Variants in ABHD2 observed in about 807,000 individuals in gnomAD.
The protein encoded by ABHD2 is monoacylglycerol lipase ABHD2.
A neutral mutation model predicts 48.1 loss-of-function variants in ABHD2; 20 were observed. That is an observed-to-expected ratio of 0.42 (90% CI 0.29 to 0.60). ABHD2 has a LOEUF of 0.60. ABHD2 is among the 20% of genes least tolerant of loss of function. The probability of loss-of-function intolerance (pLI) is 0.24; values close to 1 mark genes in which losing one functional copy is unlikely to be tolerated. For missense variants in ABHD2, 405 were observed against 550.9 expected (o/e 0.74, Z 2.65); for synonymous variants, 209 against 214.2 (o/e 0.98, Z 0.21).
At position 89,116,317 on chromosome 15, in the gene ABHD2, C is replaced by T; in HGVS notation, c.-6-5C>T. On this transcript the variant is annotated splice_region_variant and splice_polypyrimidine_tract_variant and intron_variant, in intron 2 of 10. Coordinates refer to ENST00000352732, the MANE Select transcript of ABHD2 (RefSeq NM_152924.5). The surrounding 1 kb of genome is among the most constrained non-coding windows in gnomAD (Gnocchi z 4.6). Reference sequence around the variant, plus strand: ...TAAACTTAGACCTGTGCCTCTGCTCCCCAGATCAAGATGAATGCCATGCTG... The same window carrying T: ...TAAACTTAGACCTGTGCCTCTGCTCTCCAGATCAAGATGAATGCCATGCTG... 2 of 1,611,544 alleles carry T rather than the reference C, an allele frequency of 1.2e-6. No individual in the cohort carries two copies. The highest frequency in any genetic ancestry group is 1.7e-6 in the Non-Finnish European group (2 of 1,178,330).
the ABHD2 span, among the ~76,000 whole-genome samples, chr15:89,081,743 C>T: frequency 3.9e-5 from 6 of 151,934 alleles, no homozygotes; most frequent in African/African-American, 1.5e-4. Context: ...CCCAGCTACT[C>T]GGGAGGCTGA....
chr15:89,119,515 A>C (rs1029660783), intron 3 of ABHD2, among the ~76,000 whole-genome samples: 1 of 152,210 alleles, frequency 6.6e-6, no homozygotes, highest in East Asian at 1.9e-4. Context: ...ACGTTATGCC[A>C]TTCAGTCTTA....
At chr15:89,125,320 T>G (rs2150832596) in intron 3 of ABHD2, among the ~76,000 whole-genome samples, 1 of 152,256 alleles carries the variant, frequency 6.6e-6, no homozygotes, top group Middle Eastern at 3.4e-3. Context: ...AACAAGTGAT[T>G]GGCAGAACTG....
At position 89,201,774 on chromosome 15, in the gene ABHD2, T is replaced by C. The variant is rs2051467733; in HGVS notation, c.*6351T>C. ...GTCGAGGACCAGGATCTGCTCGTGC[T>C]TCGCCGTGGCCCCGGAGGCAGACGC... On this transcript the variant is annotated 3_prime_UTR_variant, in exon 11 of 11. Transcript: ENST00000352732. The C allele has an allele frequency of 6.6e-7, 1 of 1,508,274 alleles. No individual in the cohort carries two copies. The highest frequency in any genetic ancestry group is 2.3e-5 in the East Asian group (1 of 44,322). The allele number at this position is 1,508,274 out of a possible 1,614,324, so 93.4% of individuals were successfully genotyped here.
the ABHD2 span, among the ~76,000 whole-genome samples, chr15:89,076,671 A>C: frequency 2.0e-5 from 3 of 151,922 alleles, no homozygotes; most frequent in African/African-American, 7.3e-5. Context: ...TTTTGTAGAG[A>C]TGAGGTCTCA....
Position 89,155,275 on chromosome 15 carries a change from C to T in ABHD2, c.371-92C>T. On this transcript the variant is annotated intron_variant, in intron 4 of 10. Transcript: ENST00000352732. The surrounding 1 kb of genome is among the most constrained non-coding windows in gnomAD (Gnocchi z 4.9). The stretch of plus-strand genomic sequence containing the variant: ...GTGAAAGATGTATGTTGAATTCCCT[C>T]CCCTTGTTTTCTAGACCAGTGAAGT... 4 of 1,391,996 alleles carry T rather than the reference C, an allele frequency of 2.9e-6. No homozygotes were observed. Among genetic ancestry groups the T allele is most frequent in the Non-Finnish European group, 4.0e-6 (4 of 1,007,264 alleles). 86.2% of individuals were successfully genotyped at this position (1,391,996 alleles called of 1,614,324 possible).
chr15:89,044,936 T>A, the ABHD2 span, among the ~76,000 whole-genome samples: 1 of 150,764 alleles, frequency 6.6e-6, no homozygotes, highest in Non-Finnish European at 1.5e-5. Context: ...ATTTTGGCTT[T>A]TGTTGCCATT....
At position 89,174,117 on chromosome 15, in the gene ABHD2, A is replaced by G. The variant is rs2050972497; in HGVS notation, c.539-1695A>G. Reference sequence around the variant, plus strand: ...ATGTGTAAAATTTCATTGATTGTGCATTTTCCTGTATGTATGTTATACCCC... The same window carrying G: ...ATGTGTAAAATTTCATTGATTGTGCGTTTTCCTGTATGTATGTTATACCCC... On this transcript the variant is annotated intron_variant, in intron 5 of 10. Coordinates refer to ENST00000352732, the MANE Select transcript of ABHD2 (RefSeq NM_152924.5). This position sits in a 1 kb window ranked among gnomAD's most constrained non-coding sequence, Gnocchi z 4.1. Among the ~76,000 whole-genome samples, 1 of 152,146 alleles carries G rather than the reference A, an allele frequency of 6.6e-6. No homozygotes were observed. The highest frequency in any genetic ancestry group is 3.4e-3 in the Middle Eastern group (1 of 294).
In ABHD2 at chr15:89,116,983, G is replaced by C. The variant is rs76158120; in HGVS notation, c.194+462G>C. Among the ~76,000 whole-genome samples the C allele has an allele frequency of 9.2e-3, 1,404 of 152,312 alleles. 20 individuals carry two copies. The highest frequency in any genetic ancestry group is 0.032 in the African/African-American group (1,346 of 41,554). ...CATTAGCTAAGAGAATGCACTTAAA[G>C]AGAGTGCTTTGTATGAGTGAACCAG... On this transcript the variant is annotated intron_variant, in intron 3 of 10. Coordinates refer to ENST00000352732, the MANE Select transcript of ABHD2 (RefSeq NM_152924.5). The surrounding 1 kb of genome is among the most constrained non-coding windows in gnomAD (Gnocchi z 4.6).
chr15:89,073,216 C>T, the ABHD2 span, among the ~76,000 whole-genome samples: 1 of 152,160 alleles, frequency 6.6e-6, no homozygotes, highest in East Asian at 1.9e-4. Context: ...CTTAATCTAT[C>T]ATCAGATTTA....
In ABHD2 at chr15:89,155,520, G is replaced by A. The variant is rs1458463414; in HGVS notation, c.524G>A (p.Arg175His). The A allele has an allele frequency of 2.5e-6, 4 of 1,613,074 alleles. No individual in the cohort carries two copies. The highest frequency in any genetic ancestry group is 3.4e-6 in the Non-Finnish European group (4 of 1,179,244). The change falls in exon 5 of 11, where the codon CGC becomes CAC. Residue 175 changes from arginine to histidine, a missense_variant. Coordinates refer to ENST00000352732, the MANE Select transcript of ABHD2 (RefSeq NM_152924.5). The surrounding 1 kb of genome is among the most constrained non-coding windows in gnomAD (Gnocchi z 4.9). The stretch of plus-strand genomic sequence containing the variant: ...CCCAACATTGAATTGACCTCGCCAC[G>A]CATGTTCACCTATGGTAAGCATGGC... ...ALPNIELTSPRMFTYGCTWEF... is the reference protein window; with the variant it reads ...ALPNIELTSPHMFTYGCTWEF...
chr15:89,116,455 A>C lies in ABHD2; in HGVS notation c.128A>C (p.Asp43Ala). ...LNLKSPTAPPDLYFQDSGLSR... is the reference protein window; with the variant it reads ...LNLKSPTAPPALYFQDSGLSR... ...CTGAAGAGCCCCACAGCCCCACCTG[A>C]CCTCTACTTCCAGGACTCGGGGCTC... Residue 43 changes from aspartate (D) to alanine (A), a missense_variant, in exon 3 of 11, where the codon GAC (aspartate) becomes GCC (alanine). Coordinates refer to ENST00000352732, the MANE Select transcript of ABHD2 (RefSeq NM_152924.5). This position sits in a 1 kb window ranked among gnomAD's most constrained non-coding sequence, Gnocchi z 4.6. The C allele has an allele frequency of 6.2e-7, 1 of 1,614,162 alleles. No homozygotes were observed. Among genetic ancestry groups the C allele is most frequent in the Non-Finnish European group, 8.5e-7 (1 of 1,180,030 alleles).
At chr15:89,052,999 A>C in the ABHD2 span, among the ~76,000 whole-genome samples, 2 of 136,904 alleles carry the variant, frequency 1.5e-5, no homozygotes, top group African/African-American at 2.8e-5. Flanking sequence ...ATGGAATCTC[A>C]CTCTGCTGCC....
At chr15:89,047,949 G>C in the ABHD2 span, among the ~76,000 whole-genome samples, 5 of 147,598 alleles carry the variant, frequency 3.4e-5, no homozygotes, top group Non-Finnish European at 6.0e-5. Context: ...TATGATGTTA[G>C]CTGGTTATTT....
At position 89,195,243 on chromosome 15, in the gene ABHD2, C is replaced by T. The variant is rs1016909919; in HGVS notation, c.1098C>T (p.Val366=). 1.2e-6 allele frequency: 2 copies of T among 1,613,806 alleles called. No homozygotes were observed. The highest frequency in any genetic ancestry group is 1.7e-6 in the Non-Finnish European group (2 of 1,179,802). Residue 366 remains valine (V), a synonymous_variant, in exon 11 of 11, where the codon GTC becomes GTT. Transcript: ENST00000352732. This position sits in a 1 kb window ranked among gnomAD's most constrained non-coding sequence, Gnocchi z 5.1. ...PKSLSEKREN[V]MFVLPLHGGH... ...CCCCTGCAGAGAAACGAGAGAACGTCATGTTTGTGCTGCCTCTGCATGGGG... is the reference window on the plus strand; with the variant it reads ...CCCCTGCAGAGAAACGAGAGAACGTTATGTTTGTGCTGCCTCTGCATGGGG...
At chr15:89,180,412 T>G (rs369223262) in intron 6 of ABHD2, among the ~76,000 whole-genome samples, 1 of 152,282 alleles carries the variant, frequency 6.6e-6, no homozygotes, top group South Asian at 2.1e-4. Flanking sequence ...TAGTCTGAAG[T>G]CCATCTTTCT....
intron 3 of ABHD2, among the ~76,000 whole-genome samples, chr15:89,141,132 C>CTAATTAAT (rs535482186): frequency 2.0e-5 from 3 of 151,886 alleles, no homozygotes; most frequent in African/African-American, 7.3e-5. Context: ...CCACACCCAG[C>CTAATTAAT]TAATTAATTA....
the ABHD2 span, among the ~76,000 whole-genome samples, chr15:89,047,108 G>A: frequency 0.018 from 2,772 of 151,288 alleles, 77 homozygotes; most frequent in African/African-American, 0.064. Context: ...CTTTGTTCTC[G>A]TTGGTTTCAA....
upstream of ABHD2, among the ~76,000 whole-genome samples, chr15:89,084,587 C>T (rs895743904): frequency 6.6e-6 from 1 of 152,172 alleles, no homozygotes; most frequent in South Asian, 2.1e-4. This position sits in a 1 kb window ranked among gnomAD's most constrained non-coding sequence, Gnocchi z 4.4. Context: ...GCATGAGCCA[C>T]GGCGCCTGGC....
Sources: gnomAD v4.1 joint callset for allele counts (sites outside exome capture counted in the v4.1 genomes callset) on GRCh38, gnomAD v4.1.1 for gene constraint, Gnocchi (gnomAD v3.1) non-coding constraint, MANE v1.5 for transcripts, NCBI Gene and HGNC (gene_info 2026-07-23, HGNC 2026-07-21) for gene names.